Variants in RYR1 observed in about 807,000 individuals in gnomAD.
The protein encoded by RYR1 is central core disease of muscle.
RYR1 carries 342 observed loss-of-function variants against 583.5 expected under a neutral mutation model. That is an observed-to-expected ratio of 0.59 (90% CI 0.54 to 0.64). RYR1 has a LOEUF of 0.64. Ranked by LOEUF, RYR1 falls within the 30% of genes least tolerant of loss-of-function variation. The pLI is 0.00. For missense variants in RYR1, 6,032 were observed against 6,917.2 expected (o/e 0.87, Z 4.54); for synonymous variants, 2,791 against 2,822.5 (o/e 0.99, Z 0.35).
Position 38,483,266 on chromosome 19 carries a change from C to T in RYR1, c.4708-24C>T. 6.4e-7 allele frequency: 1 copy of T among 1,564,316 alleles called. No homozygotes were observed. The highest frequency in any genetic ancestry group is 8.7e-7 in the Non-Finnish European group (1 of 1,154,408). ...GACAGAGGGGGCTGGCCATCTTGAC[C>T]CATGTGTGTCTCTCTGCCCTCAGAA... is the stretch of plus-strand genomic sequence containing the variant. On this transcript the variant is annotated intron_variant, in intron 32 of 105. Coordinates refer to ENST00000359596, the MANE Select transcript of RYR1 (RefSeq NM_000540.3). The surrounding 1 kb of genome is among the most constrained non-coding windows in gnomAD (Gnocchi z 6.3).
intron 31 of RYR1, among the ~76,000 whole-genome samples, chr19:38,479,799 A>G (rs561128627): frequency 2.6e-4 from 39 of 151,394 alleles, no homozygotes; most frequent in African/African-American, 8.5e-4. Flanking sequence ...CACTGCAGCC[A>G]CAACCTTCCT....
At position 38,548,345 on chromosome 19, in the gene RYR1, C is replaced by T; in HGVS notation, c.12207C>T (p.Asp4069=). 6.2e-7 allele frequency: 1 copy of T among 1,614,182 alleles called. No homozygotes were observed. The highest frequency in any genetic ancestry group is 8.5e-7 in the Non-Finnish European group (1 of 1,180,034). Residue 4069 remains aspartate, a synonymous_variant, in exon 89 of 106, where the codon GAC becomes GAT. Transcript: ENST00000359596. ...TCGACATGTTCCTGAAACTCAAGGA[C>T]ATTGTGGGCTCTGAAGCCTTCCAGG... The part of the protein sequence containing the change: ...KFFDMFLKLK[D]IVGSEAFQDY...
chr19:38,500,964 A>G lies in RYR1; in HGVS notation c.7588A>G (p.Met2530Val). 1 of 1,612,324 alleles carries G rather than the reference A, an allele frequency of 6.2e-7. No individual in the cohort carries two copies. Among genetic ancestry groups the G allele is most frequent in the Middle Eastern group, 1.7e-4 (1 of 5,946 alleles). Residue 2530 changes from methionine to valine, a missense_variant, in exon 47 of 106, where the codon ATG becomes GTG. Transcript: ENST00000359596. This position sits in a 1 kb window ranked among gnomAD's most constrained non-coding sequence, Gnocchi z 5.9. ...HVLDVGFLPDMRAAASLDTAT... is the reference protein window; with the variant it reads ...HVLDVGFLPDVRAAASLDTAT... ...GCTGGACGTGGGGTTCCTGCCCGAC[A>G]TGAGGGCAGCCGCCTCGCTGGACAC... is the stretch of plus-strand genomic sequence containing the variant.
In RYR1 at chr19:38,464,562, A is replaced by T. The variant is rs143827627; in HGVS notation, c.2787-77A>T. 0.01 allele frequency: 12,480 copies of T among 1,233,642 alleles called. 105 individuals carry two copies. The highest frequency in any genetic ancestry group is 0.011 in the Non-Finnish European group (9,406 of 859,406). 76.4% of individuals were successfully genotyped at this position (1,233,642 alleles called of 1,614,324 possible). Reference sequence around the variant, plus strand: ...GCAGCAGAGGTAGAGGGAGCTGGAGACCCTGAGGCCGTGGGAGGAGACGGG... The same window carrying T: ...GCAGCAGAGGTAGAGGGAGCTGGAGTCCCTGAGGCCGTGGGAGGAGACGGG... On this transcript the variant is annotated intron_variant, in intron 22 of 105. Transcript: ENST00000359596.
intron 97 of RYR1, among the ~76,000 whole-genome samples, chr19:38,576,889 TTTG>T (rs1174175760): frequency 1.3e-5 from 2 of 152,000 alleles, no homozygotes; most frequent in East Asian, 3.9e-4. Context: ...CTGCTTTTCT[TTTG>T]TTTTTTTCTT....
At chr19:38,559,917 A>G (rs1370002698) in intron 89 of RYR1, among the ~76,000 whole-genome samples, 1 of 150,444 alleles carries the variant, frequency 6.6e-6, no homozygotes, top group African/African-American at 2.5e-5. Context: ...GAATTATGTC[A>G]TGAAACCTTT....
chr19:38,578,788 C>T (rs975626750), intron 99 of RYR1, among the ~76,000 whole-genome samples: 3 of 151,902 alleles, frequency 2.0e-5, no homozygotes, highest in African/African-American at 7.3e-5. Context: ...GAGAATCCAT[C>T]TCAACAACAA....
At chr19:38,583,650 C>T (rs1015821757) in intron 101 of RYR1, among the ~76,000 whole-genome samples, 3 of 152,070 alleles carry the variant, frequency 2.0e-5, no homozygotes, top group Admixed American at 1.3e-4. Flanking sequence ...TGGGTCTAAC[C>T]GCAAACCCTC....
chr19:38,457,701 C>A, intron 17 of RYR1, 71 bp downstream of exon 17: 1 of 1,490,834 alleles, frequency 6.7e-7, no homozygotes, highest in Non-Finnish European at 9.3e-7. Flanking sequence ...AGACTCCACA[C>A]CCAGATGGAT....
chr19:38,441,661 G>T (rs1488536270), intron 2 of RYR1, among the ~76,000 whole-genome samples: 4 of 149,452 alleles, frequency 2.7e-5, no homozygotes, highest in Admixed American at 2.6e-4. Context: ...CTGAGAGGTG[G>T]AAGGAGCCTG....
chr19:38,446,677 C>G lies in RYR1; in HGVS notation c.726-17C>G. 1.2e-6 allele frequency: 2 copies of G among 1,613,084 alleles called. No individual in the cohort carries two copies. Among genetic ancestry groups the G allele is most frequent in the Non-Finnish European group, 1.7e-6 (2 of 1,179,052 alleles). On this transcript the variant is annotated splice_polypyrimidine_tract_variant and intron_variant, in intron 8 of 105. Coordinates refer to ENST00000359596, the MANE Select transcript of RYR1 (RefSeq NM_000540.3). Reference sequence around the variant, plus strand: ...GGGGAGCTGAACCCTTGACTTCACTCTCTTCTGTGTCCCCAGACTTGTCTA... The same window carrying G: ...GGGGAGCTGAACCCTTGACTTCACTGTCTTCTGTGTCCCCAGACTTGTCTA...
intron 9 of RYR1, 132 bp downstream of exon 9, chr19:38,446,900 G>C (rs1392933230): frequency 2.8e-6 from 2 of 702,852 alleles, no homozygotes; most frequent in African/African-American, 3.6e-5. Flanking sequence ...AGAGCAGCCT[G>C]AGAGAGAGAT....
intron 89 of RYR1, among the ~76,000 whole-genome samples, chr19:38,551,428 A>C (rs924437870): frequency 2.0e-5 from 3 of 151,764 alleles, no homozygotes; most frequent in Admixed American, 6.6e-5. Flanking sequence ...GGCCATCTGC[A>C]CTTAGGTAAG....
Position 38,584,579 on chromosome 19 carries a change from C to T in RYR1, c.14647-364C>T, listed in dbSNP as rs117861460. Among the ~76,000 whole-genome samples the T allele has an allele frequency of 4.6e-3, 279 of 60,614 alleles. 14 individuals are homozygous for T. The highest frequency in any genetic ancestry group is 0.042 in the East Asian group (67 of 1,600). 39.8% of individuals were successfully genotyped at this position (60,614 alleles called of 152,430 possible). Reference sequence around the variant, plus strand: ...CTGGCCCTGACCCCTCTGCCTGTGCCCCCCTTATCCTGGCCCTGATTCCCC... The same window carrying T: ...CTGGCCCTGACCCCTCTGCCTGTGCTCCCCTTATCCTGGCCCTGATTCCCC... On this transcript the variant is annotated intron_variant, in intron 101 of 105. Coordinates refer to ENST00000359596, the MANE Select transcript of RYR1 (RefSeq NM_000540.3).
chr19:38,487,587 T>G (rs1486865862), intron 34 of RYR1, among the ~76,000 whole-genome samples: 1 of 151,890 alleles, frequency 6.6e-6, no homozygotes, highest in Non-Finnish European at 1.5e-5. Flanking sequence ...CTCCTGACTT[T>G]GTGATCTGCC....
At chr19:38,552,292 G>A (rs909563790) in intron 89 of RYR1, among the ~76,000 whole-genome samples, 4 of 149,462 alleles carry the variant, frequency 2.7e-5, no homozygotes, top group African/African-American at 5.0e-5. Flanking sequence ...GTCTCACTCT[G>A]TCACCAGGCT....
intron 89 of RYR1, among the ~76,000 whole-genome samples, chr19:38,559,935 T>TG (rs962802210): frequency 6.6e-6 from 1 of 152,096 alleles, no homozygotes. Flanking sequence ...TTTTTTTTTT[T>TG]TTTTGAGTCA....
At chr19:38,455,967 G>GTTTTT (rs201725585) in intron 16 of RYR1, among the ~76,000 whole-genome samples, 41 of 108,476 alleles carry the variant, frequency 3.8e-4, no homozygotes, top group African/African-American at 7.3e-4. Context: ...TCTCTGAAAT[G>GTTTTT]TTTTTTTTTT....
At chr19:38,534,652 G>A in intron 78 of RYR1, 68 bp from the exon 79 acceptor site, 1 of 1,366,796 alleles carries the variant, frequency 7.3e-7, no homozygotes, top group Non-Finnish European at 1.0e-6. Context: ...GCAGAAGTGA[G>A]AATGTGAGGG....
Sources: gnomAD v4.1 joint callset for allele counts (sites outside exome capture counted in the v4.1 genomes callset) on GRCh38, gnomAD v4.1.1 for gene constraint, Gnocchi (gnomAD v3.1) non-coding constraint, MANE v1.5 for transcripts, NCBI Gene and HGNC (gene_info 2026-07-23, HGNC 2026-07-21) for gene names.